VANGL1: variants seen among roughly 807,000 people sequenced by gnomAD.
VANGL1 encodes vang-like protein 1.
A neutral mutation model predicts 48.4 loss-of-function variants in VANGL1; 18 were observed. That is an observed-to-expected ratio of 0.37 (90% CI 0.26 to 0.55). VANGL1 has a LOEUF of 0.55. Among genes scored for constraint, VANGL1 ranks in the 20% least tolerant of loss-of-function variants. The probability of loss-of-function intolerance (pLI) is 0.81; values close to 1 mark genes in which losing one functional copy is unlikely to be tolerated. For missense variants in VANGL1, 667 were observed against 675.8 expected (o/e 0.99, Z 0.14); for synonymous variants, 257 against 261.8 (o/e 0.98, Z 0.18).
chr1:115,666,875 C>T (rs997009488), intron 4 of VANGL1, among the ~76,000 whole-genome samples: 13 of 152,212 alleles, frequency 8.5e-5, no homozygotes, highest in African/African-American at 2.7e-4. Flanking sequence ...AGAGCTGGAG[C>T]AGGCTTGGCA....
chr1:115,648,229 A>G (rs1652010854), intron 1 of VANGL1, among the ~76,000 whole-genome samples: 1 of 152,204 alleles, frequency 6.6e-6, no homozygotes, highest in Admixed American at 6.5e-5. Context: ...AGGTGGATGG[A>G]CTAATAAATG....
rs1245643867 is a variant in VANGL1, at chr1:115,694,205, G to A, written c.*2826G>A. The A allele has an allele frequency of 6.6e-6, 1 of 152,190 alleles. No individual in the cohort carries two copies. The highest frequency in any genetic ancestry group is 1.5e-5 in the Non-Finnish European group (1 of 68,030). 9.4% of individuals were successfully genotyped at this position (152,190 alleles called of 1,614,324 possible). ...ATTATCAAAATGTTAAGTCAAATCTGTAATACTTTGGCTAAAATTCATAAA... is the reference window on the plus strand; with the variant it reads ...ATTATCAAAATGTTAAGTCAAATCTATAATACTTTGGCTAAAATTCATAAA... On this transcript the variant is annotated 3_prime_UTR_variant, in exon 8 of 8. Coordinates refer to ENST00000355485, the MANE Select transcript of VANGL1 (RefSeq NM_138959.3).
intron 2 of VANGL1, among the ~76,000 whole-genome samples, chr1:115,652,379 T>C (rs1273447814): frequency 1.3e-5 from 2 of 152,178 alleles, no homozygotes; most frequent in South Asian, 2.1e-4. Flanking sequence ...AGTGAACAGA[T>C]AGGTGGCACT....
chr1:115,698,215 T>C lies in VANGL1; in HGVS notation c.*6836T>C, dbSNP rs1654097284. On this transcript the variant is annotated 3_prime_UTR_variant, in exon 8 of 8. Transcript: ENST00000355485. ...TGTAAACTTGGAAAATAAACTGAAA[T>C]ATCAAATTGTGTCTTGTTTCTTTTC... The C allele has an allele frequency of 6.6e-6, 1 of 152,204 alleles. No homozygotes were observed. The highest frequency in any genetic ancestry group is 2.4e-5 in the African/African-American group (1 of 41,458). 9.4% of individuals were successfully genotyped at this position (152,204 alleles called of 1,614,324 possible).
intron 1 of VANGL1, among the ~76,000 whole-genome samples, chr1:115,645,851 A>G (rs1651892741): frequency 6.6e-6 from 1 of 152,224 alleles, no homozygotes; most frequent in Non-Finnish European, 1.5e-5. Context: ...AAATAGATCT[A>G]CTTACTGCAT....
chr1:115,658,978 C>T (rs1652446722), intron 2 of VANGL1, among the ~76,000 whole-genome samples: 1 of 152,002 alleles, frequency 6.6e-6, no homozygotes, highest in Non-Finnish European at 1.5e-5. Context: ...CACACATCCA[C>T]CCACACACCC....
rs1199923957 is a variant in VANGL1 at position 115,667,102 on chromosome 1, TCA to T, written c.812+2837_812+2838del. Among the ~76,000 whole-genome samples the T allele has an allele frequency of 9.8e-5, 15 of 152,340 alleles. 1 individual carries two copies. The highest frequency in any genetic ancestry group is 9.8e-4 in the Admixed American group (15 of 15,308). On this transcript the variant is annotated intron_variant, in intron 4 of 7. Coordinates refer to ENST00000355485, the MANE Select transcript of VANGL1 (RefSeq NM_138959.3). The stretch of plus-strand genomic sequence containing the variant: ...CAGGTCTCCATTAGACCCAGCAGAA[TCA>T]CAGGCTGTTGGCTCTCCCTTTATGT...
At chr1:115,663,332 G>T (rs568053332) in intron 3 of VANGL1, among the ~76,000 whole-genome samples, 1 of 152,250 alleles carries the variant, frequency 6.6e-6, no homozygotes, top group African/African-American at 2.4e-5. Context: ...CGCATTGCAG[G>T]GCAAACAGCT....
chr1:115,653,542 T>C (rs1298133805), intron 2 of VANGL1, among the ~76,000 whole-genome samples: 2 of 152,190 alleles, frequency 1.3e-5, no homozygotes. Flanking sequence ...ACAAAGCAGG[T>C]TGGCTTTGCA....
intron 7 of VANGL1, among the ~76,000 whole-genome samples, chr1:115,688,928 T>C (rs1411008571): frequency 2.2e-5 from 3 of 134,806 alleles, no homozygotes; most frequent in African/African-American, 8.4e-5. Flanking sequence ...TAACTGGGAC[T>C]ACAGGCGCCC....
chr1:115,697,070 A>G lies in VANGL1; in HGVS notation c.*5691A>G, dbSNP rs952476314. 1 of 152,176 alleles carries G rather than the reference A, an allele frequency of 6.6e-6. No individual in the cohort carries two copies. The highest frequency in any genetic ancestry group is 2.4e-5 in the African/African-American group (1 of 41,446). 9.4% of individuals were successfully genotyped at this position (152,176 alleles called of 1,614,324 possible). A position where few individuals can be genotyped will look rare whatever the true frequency, so the allele number is the denominator to read the frequency against. ...GCCTTTTGTTGTGAAGTTGCTCATC[A>G]TTTAGGAGTGTTTAATTCTAAAAAG... On this transcript the variant is annotated 3_prime_UTR_variant, in exon 8 of 8. Transcript: ENST00000355485.
chr1:115,689,597 TTGCA>T (rs1299452564), intron 7 of VANGL1, among the ~76,000 whole-genome samples: 1 of 131,932 alleles, frequency 7.6e-6, no homozygotes, highest in Non-Finnish European at 1.6e-5. Context: ...GATCGTGCCA[TTGCA>T]CTCCAGCCTG....
At position 115,697,202 on chromosome 1, in the gene VANGL1, T is replaced by G. The variant is rs1052435461; in HGVS notation, c.*5823T>G. 1 of 152,166 alleles carries G rather than the reference T, an allele frequency of 6.6e-6. No individual in the cohort carries two copies. Among genetic ancestry groups the G allele is most frequent in the Non-Finnish European group, 1.5e-5 (1 of 68,024 alleles). 9.4% of individuals were successfully genotyped at this position (152,166 alleles called of 1,614,324 possible). ...CTGCAGGTGACAAGTTTAGTTCAACTGAAGTTGTAGGGAATTTAGACAGTT... is the reference window on the plus strand; with the variant it reads ...CTGCAGGTGACAAGTTTAGTTCAACGGAAGTTGTAGGGAATTTAGACAGTT... On this transcript the variant is annotated 3_prime_UTR_variant, in exon 8 of 8. Transcript: ENST00000355485.
At position 115,651,913 on chromosome 1, in the gene VANGL1, C is replaced by T. The variant is rs370090164; in HGVS notation, c.71+429C>T. Among the ~76,000 whole-genome samples the T allele has an allele frequency of 3.9e-4, 59 of 152,256 alleles. No homozygotes were observed. In the South Asian group the frequency reaches 6.0e-3, roughly 16 times the overall value. ...CTGAGACTACAGGCGCCCACCACCA[C>T]GCCTGGCTAATTTTTGTATTTTTAG... On this transcript the variant is annotated intron_variant, in intron 2 of 7. Coordinates refer to ENST00000355485, the MANE Select transcript of VANGL1 (RefSeq NM_138959.3).
intron 1 of VANGL1, among the ~76,000 whole-genome samples, chr1:115,643,854 T>C (rs1015322261): frequency 3.9e-5 from 6 of 152,240 alleles, no homozygotes; most frequent in African/African-American, 1.2e-4. Context: ...AACACACTTA[T>C]ATACACACAC....
rs114672162 is a variant in VANGL1, at chr1:115,655,274, A to T, written c.71+3790A>T. ...AAATAGAAATAGGCAAACAACAGAA[A>T]CAGGACTAAATAATCTTCCCAGGAA... On this transcript the variant is annotated intron_variant, in intron 2 of 7. Transcript: ENST00000355485. Among the ~76,000 whole-genome samples the T allele has an allele frequency of 1.9e-3, 292 of 152,330 alleles. 2 individuals carry two copies. Among genetic ancestry groups the T allele is most frequent in the Non-Finnish European group, 3.4e-3 (228 of 68,036 alleles).
At position 115,695,252 on chromosome 1, in the gene VANGL1, A is replaced by C. The variant is rs1385369719; in HGVS notation, c.*3873A>C. Reference sequence around the variant, plus strand: ...TAAAAATTGGGCTTTATTTTTAAAAAGTGATAGGTTACTTACAGTAGCACA... The same window carrying C: ...TAAAAATTGGGCTTTATTTTTAAAACGTGATAGGTTACTTACAGTAGCACA... On this transcript the variant is annotated 3_prime_UTR_variant, in exon 8 of 8. Transcript: ENST00000355485. The C allele has an allele frequency of 6.6e-6, 1 of 152,654 alleles. No individual in the cohort carries two copies. The highest frequency in any genetic ancestry group is 1.9e-4 in the East Asian group (1 of 5,202). 9.5% of individuals were successfully genotyped at this position (152,654 alleles called of 1,614,324 possible).
At chr1:115,661,056 C>G (rs1652529380) in intron 3 of VANGL1, among the ~76,000 whole-genome samples, 1 of 152,170 alleles carries the variant, frequency 6.6e-6, no homozygotes, top group Non-Finnish European at 1.5e-5. Context: ...TAGCTGAGAA[C>G]ACTTTGAGAA....
At chr1:115,689,883 G>C (rs1247915253) in intron 7 of VANGL1, among the ~76,000 whole-genome samples, 3 of 138,076 alleles carry the variant, frequency 2.2e-5, no homozygotes, top group African/African-American at 8.2e-5. Flanking sequence ...TTGAACCCGG[G>C]AGGCGGAGCT....
Sources: gnomAD v4.1 joint callset for allele counts (sites outside exome capture counted in the v4.1 genomes callset) on GRCh38, gnomAD v4.1.1 for gene constraint, MANE v1.5 for transcripts, NCBI Gene and HGNC (gene_info 2026-07-23, HGNC 2026-07-21) for gene names.